CPEB4: variants seen among roughly 807,000 people sequenced by gnomAD.
CPEB4 encodes cytoplasmic polyadenylation element binding protein 4.
A neutral mutation model predicts 72.5 loss-of-function variants in CPEB4; 12 were observed. That is an observed-to-expected ratio of 0.17 (90% CI 0.11 to 0.27). CPEB4 has a LOEUF of 0.27. CPEB4 is among the 10% of genes least tolerant of loss of function. The probability of loss-of-function intolerance (pLI) is 1.00; values close to 1 mark genes in which losing one functional copy is unlikely to be tolerated. For synonymous variants in CPEB4, 302 were observed against 326.3 expected (o/e 0.93, Z 0.80); for missense variants, 614 against 908.5 (o/e 0.68, Z 4.17).
At chr5:173,930,990 CAAAA>C (rs11322497) in intron 2 of CPEB4, among the ~76,000 whole-genome samples, 3 of 80,090 alleles carry the variant, frequency 3.7e-5, no homozygotes, top group African/African-American at 4.7e-5. Context: ...GACTCTGTCT[CAAAA>C]AAAAAAAAAA....
At position 173,888,429 on chromosome 5, in the gene CPEB4, G is replaced by A; in HGVS notation, c.-1305G>A. The A allele has an allele frequency of 1.3e-5, 6 of 457,982 alleles. No homozygotes were observed. The highest frequency in any genetic ancestry group is 1.1e-5 in the Non-Finnish European group (3 of 265,222). The allele number at this position is 457,982 out of a possible 1,614,324, so 28.4% of individuals were successfully genotyped here. On this transcript the variant is annotated 5_prime_UTR_variant, in exon 1 of 10. Coordinates refer to ENST00000265085, the MANE Select transcript of CPEB4 (RefSeq NM_030627.4). This position sits in a 1 kb window ranked among gnomAD's most constrained non-coding sequence, Gnocchi z 4.3. ...GGGAGGCGGTGGCGGCGGCGGCGGCGGCAGCAGCGGCGACAGCAGAGGAGG... is the reference window on the plus strand; with the variant it reads ...GGGAGGCGGTGGCGGCGGCGGCGGCAGCAGCAGCGGCGACAGCAGAGGAGG...
Position 173,950,928 on chromosome 5 carries a change from A to T in CPEB4, c.1665+850A>T, listed in dbSNP as rs936199153. Reference sequence around the variant, plus strand: ...TGGCATGTTTTGATGACTCTGGCAAAGCAGCAGTTTATTATCACTCAGCCA... The same window carrying T: ...TGGCATGTTTTGATGACTCTGGCAATGCAGCAGTTTATTATCACTCAGCCA... On this transcript the variant is annotated intron_variant, in intron 7 of 9. Transcript: ENST00000265085. This position sits in a 1 kb window ranked among gnomAD's most constrained non-coding sequence, Gnocchi z 5.0. Among the ~76,000 whole-genome samples the T allele has an allele frequency of 1.5e-4, 23 of 152,328 alleles. No individual in the cohort carries two copies. The highest frequency in any genetic ancestry group is 5.1e-4 in the African/African-American group (21 of 41,568).
At chr5:173,945,454 T>G (rs1757986262) in intron 5 of CPEB4, among the ~76,000 whole-genome samples, 1 of 151,412 alleles carries the variant, frequency 6.6e-6, no homozygotes, top group African/African-American at 2.4e-5. Context: ...GTGTGCTACT[T>G]TGGACAAATT....
At position 173,956,447 on chromosome 5, in the gene CPEB4, G is replaced by A. The variant is rs1758380351; in HGVS notation, c.*310G>A. ...TAGAGGAGAGAGAGAAATATTAAAA[G>A]AGAAATGAAACAATAGAGTATTTTG... is the stretch of plus-strand genomic sequence containing the variant. On this transcript the variant is annotated 3_prime_UTR_variant, in exon 10 of 10. Coordinates refer to ENST00000265085, the MANE Select transcript of CPEB4 (RefSeq NM_030627.4). 7.5e-6 allele frequency: 2 copies of A among 266,008 alleles called. No homozygotes were observed. Among genetic ancestry groups the A allele is most frequent in the South Asian group, 1.9e-4 (2 of 10,334 alleles). The allele number at this position is 266,008 out of a possible 1,614,324, so 16.5% of individuals were successfully genotyped here.
At chr5:173,894,657 G>C (rs1407093778) in intron 1 of CPEB4, among the ~76,000 whole-genome samples, 2 of 150,926 alleles carry the variant, frequency 1.3e-5, no homozygotes, top group African/African-American at 4.9e-5. Context: ...TGCCTCCTGT[G>C]TTCTAAATGT....
Position 173,888,503 on chromosome 5 carries a change from C to T in CPEB4, c.-1231C>T, listed in dbSNP as rs1426948201. On this transcript the variant is annotated 5_prime_UTR_variant, in exon 1 of 10. Coordinates refer to ENST00000265085, the MANE Select transcript of CPEB4 (RefSeq NM_030627.4). The surrounding 1 kb of genome is among the most constrained non-coding windows in gnomAD (Gnocchi z 4.3). ...AAGAAGAACCAGGAGGAGTCCTCAA[C>T]AACGACAGCGGGGACTGCGGGACCA... The T allele has an allele frequency of 9.7e-6, 4 of 413,062 alleles. No homozygotes were observed. The highest frequency in any genetic ancestry group is 1.7e-5 in the Non-Finnish European group (4 of 235,802). The allele number at this position is 413,062 out of a possible 1,614,324, so 25.6% of individuals were successfully genotyped here.
Position 173,949,983 on chromosome 5 carries a change from G to GA in CPEB4, c.1571dup (p.Asp524GlufsTer2). 6.2e-7 allele frequency: 1 copy of GA among 1,609,646 alleles called. No individual in the cohort carries two copies. Among genetic ancestry groups the GA allele is most frequent in the Non-Finnish European group, 8.5e-7 (1 of 1,178,328 alleles). ...AGGCTATGCATTCCTGCTGTTTCAAGATGAAAGCTCTGTGCAGGCTCTCAT... is the reference window on the plus strand; with the variant it reads ...AGGCTATGCATTCCTGCTGTTTCAAGAATGAAAGCTCTGTGCAGGCTCTCAT... On this transcript the variant is annotated frameshift_variant, in exon 7 of 10. Transcript: ENST00000265085. LOFTEE classifies it high-confidence loss of function.
rs192762879 is a variant in CPEB4 at position 173,903,140 on chromosome 5, G to T, written c.1126-7383G>T. On this transcript the variant is annotated intron_variant, in intron 1 of 9. Transcript: ENST00000265085. ...ATAGTATTTTATTGTGAAAATTCAAGCACCAAATTTGTATTTTGTTTGTTC... is the reference window on the plus strand; with the variant it reads ...ATAGTATTTTATTGTGAAAATTCAATCACCAAATTTGTATTTTGTTTGTTC... 1.3e-3 allele frequency among the ~76,000 whole-genome samples: 192 copies of T among 151,760 alleles called. 1 individual carries two copies. Among genetic ancestry groups the T allele is most frequent in the Non-Finnish European group, 2.1e-3 (140 of 67,956 alleles).
rs359466 is a variant in CPEB4, at chr5:173,888,863, C to G, written c.-871C>G. The G allele has an allele frequency of 0.12, 32,208 of 258,298 alleles. 2,300 individuals carry two copies. The highest frequency in any genetic ancestry group is 0.19 in the Middle Eastern group (176 of 950). The allele number at this position is 258,298 out of a possible 1,614,324, so 16.0% of individuals were successfully genotyped here. The stretch of plus-strand genomic sequence containing the variant: ...CACCCCCAGGCCGCCCGCTCACCCT[C>G]GTCGAGTCTCGCTAATCCCTCCTGA... On this transcript the variant is annotated 5_prime_UTR_variant, in exon 1 of 10. Coordinates refer to ENST00000265085, the MANE Select transcript of CPEB4 (RefSeq NM_030627.4). This position sits in a 1 kb window ranked among gnomAD's most constrained non-coding sequence, Gnocchi z 4.3.
Position 173,958,106 on chromosome 5 carries a change from TG to T in CPEB4, c.*1970del, listed in dbSNP as rs1175806625. The T allele has an allele frequency of 6.5e-6, 1 of 152,774 alleles. No homozygotes were observed. Among genetic ancestry groups the T allele is most frequent in the African/African-American group, 2.4e-5 (1 of 41,448 alleles). 9.5% of individuals were successfully genotyped at this position (152,774 alleles called of 1,614,324 possible). A position where few individuals can be genotyped will look rare whatever the true frequency, so the allele number is the denominator to read the frequency against. Reference sequence around the variant, plus strand: ...GTAGGTGGCTTGGGGTGTGCTATCGTGCTGTTCCTACTCAGTAAACAGGTGT... The same window carrying T: ...GTAGGTGGCTTGGGGTGTGCTATCGTCTGTTCCTACTCAGTAAACAGGTGT... On this transcript the variant is annotated 3_prime_UTR_variant, in exon 10 of 10. Coordinates refer to ENST00000265085, the MANE Select transcript of CPEB4 (RefSeq NM_030627.4).
In CPEB4 at chr5:173,889,086, C is replaced by T. The variant is rs556072209; in HGVS notation, c.-648C>T. On this transcript the variant is annotated 5_prime_UTR_variant, in exon 1 of 10. Coordinates refer to ENST00000265085, the MANE Select transcript of CPEB4 (RefSeq NM_030627.4). The stretch of plus-strand genomic sequence containing the variant: ...ACAGCAGAAACCTCCCTGCAATCAT[C>T]TTTCCATTAGTCAATGCTGATTTCC... 1 of 152,290 alleles carries T rather than the reference C, an allele frequency of 6.6e-6. No homozygotes were observed. The highest frequency in any genetic ancestry group is 1.9e-4 in the East Asian group (1 of 5,190). 9.4% of individuals were successfully genotyped at this position (152,290 alleles called of 1,614,324 possible).
chr5:173,934,798 G>C (rs1382987587), intron 3 of CPEB4, among the ~76,000 whole-genome samples: 1 of 152,216 alleles, frequency 6.6e-6, no homozygotes, highest in Non-Finnish European at 1.5e-5. Flanking sequence ...ACTAGGTAGG[G>C]AGGAGAGGTG....
intron 6 of CPEB4, 73 bp downstream of exon 6, chr5:173,949,670 T>C: frequency 9.8e-7 from 1 of 1,015,786 alleles, no homozygotes; most frequent in South Asian, 1.4e-5. Context: ...TTCATAAATG[T>C]TCACCTTCAC....
chr5:173,917,602 T>C lies in CPEB4; in HGVS notation c.1207+6998T>C, dbSNP rs1756918029. 2.6e-5 allele frequency among the ~76,000 whole-genome samples: 4 copies of C among 152,222 alleles called. No individual in the cohort carries two copies. The South Asian group carries it at 8.3e-4, about 31-fold the overall frequency. ...TTAGCAGGGCGCGGTAGCGGGCGCC[T>C]GTAATCCCAGCTACTTGGGAGGCTG... is the stretch of plus-strand genomic sequence containing the variant. On this transcript the variant is annotated intron_variant, in intron 2 of 9. Coordinates refer to ENST00000265085, the MANE Select transcript of CPEB4 (RefSeq NM_030627.4).
intron 2 of CPEB4, among the ~76,000 whole-genome samples, chr5:173,923,516 G>A (rs1049674015): frequency 6.6e-6 from 1 of 151,794 alleles, no homozygotes; most frequent in African/African-American, 2.4e-5. Flanking sequence ...TTCACCTTGG[G>A]GCCAGTTCTT....
At chr5:173,910,628 T>C (rs1426710818) in intron 2 of CPEB4, 24 bp downstream of exon 2, 2 of 1,395,822 alleles carry the variant, frequency 1.4e-6, no homozygotes, top group East Asian at 4.6e-5. Flanking sequence ...TATACCCAAT[T>C]GATTTCAGAC....
At chr5:173,897,491 C>T (rs1443096263) in intron 1 of CPEB4, among the ~76,000 whole-genome samples, 1 of 152,118 alleles carries the variant, frequency 6.6e-6, no homozygotes, top group Non-Finnish European at 1.5e-5. Context: ...GGACTAAGCA[C>T]AGGACTGTCA....
At chr5:173,949,863 C>T in intron 6 of CPEB4, 97 bp from the exon 7 acceptor site, 1 of 881,110 alleles carries the variant, frequency 1.1e-6, no homozygotes, top group Admixed American at 2.3e-5. Flanking sequence ...TTTCCTATTC[C>T]TTTTTCCTTT....
At chr5:173,916,087 AT>A (rs1251988005) in intron 2 of CPEB4, among the ~76,000 whole-genome samples, 2 of 152,236 alleles carry the variant, frequency 1.3e-5, no homozygotes, top group African/African-American at 4.8e-5. Context: ...AATTTGCTTC[AT>A]TTCACTAGAA....
Sources: allele counts gnomAD v4.1 joint callset (sites outside exome capture counted in the v4.1 genomes callset), GRCh38; gene constraint gnomAD v4.1.1; non-coding constraint Gnocchi (gnomAD v3.1); transcripts MANE v1.5; gene names NCBI Gene and HGNC (gene_info 2026-07-23, HGNC 2026-07-21).